Variants in METTL26 observed in about 807,000 individuals in gnomAD.
METTL26 encodes methyltransferase like 26, also known as methyltransferase-like 26.
Under a neutral mutation model 24.7 loss-of-function variants are expected in METTL26, and 28 were observed. That is an observed-to-expected ratio of 1.13 (90% confidence interval 0.84 to 1.55). The LOEUF is 1.55. METTL26 is among the 40% of genes most tolerant of loss of function. The probability of loss-of-function intolerance (pLI) is 0.00; values close to 1 mark genes in which losing one functional copy is unlikely to be tolerated. For missense variants in METTL26, 344 were observed against 281.2 expected (o/e 1.22, Z -1.60); for synonymous variants, 165 against 125.2 (o/e 1.32, Z -2.12).
In METTL26 at chr16:636,098, C is replaced by T. The variant is rs1313256981; in HGVS notation, c.193G>A (p.Asp65Asn). ...TGGCCGCCCCGGGGGCCGCACCTGT[C>T]CAGGCAGCGCTGGTCCACGTCCGAC... ...QPSDVDQRCLDSIAATTQAQG... is the reference protein window; with the variant it reads ...QPSDVDQRCLNSIAATTQAQG... Residue 65 changes from aspartate (D) to asparagine (N), a missense_variant, in exon 1 of 6, where the codon GAC becomes AAC. Physicochemically the swap from Asp to Asn is conservative, Grantham distance 23. Coordinates refer to ENST00000301686, the MANE Select transcript of METTL26 (RefSeq NM_032366.5). The T allele has an allele frequency of 7.1e-7, 1 of 1,403,048 alleles. No individual in the cohort carries two copies. The highest frequency in any genetic ancestry group is 9.2e-7 in the Non-Finnish European group (1 of 1,086,284). 86.9% of individuals were successfully genotyped at this position (1,403,048 alleles called of 1,614,324 possible).
In METTL26 at chr16:634,646, TG is replaced by T. The variant is rs752560502; in HGVS notation, c.568-3del. 5 of 1,613,242 alleles carry T rather than the reference TG, an allele frequency of 3.1e-6. No homozygotes were observed. Among genetic ancestry groups the T allele is most frequent in the Non-Finnish European group, 4.2e-6 (5 of 1,179,976 alleles). On this transcript the variant is annotated splice_region_variant and splice_polypyrimidine_tract_variant and intron_variant, in intron 5 of 5. Transcript: ENST00000301686. ...TTTGTTGTTGGCTGGCATGTCCACC[TG>T]GAGAAACACTTTGCTGGAGGACGGC...
chr16:634,600 G>C lies in METTL26; in HGVS notation c.612C>G (p.Asn204Lys), dbSNP rs765469785. 6.2e-7 allele frequency: 1 copy of C among 1,613,386 alleles called. No individual in the cohort carries two copies. The change falls in exon 6 of 6, where the codon AAC becomes AAG. Residue 204 changes from asparagine (N) to lysine (K), a missense_variant. Asn to Lys is a moderately conservative substitution (Grantham distance 94, BLOSUM62 0). Coordinates refer to ENST00000301686, the MANE Select transcript of METTL26 (RefSeq NM_032366.5). Reference sequence around the variant, plus strand: ...TGTGCGGGGGTGAAGGAGGGGCTTAGTTTTTCCGGAAGATCAGGCATTTGT... The same window carrying C: ...TGTGCGGGGGTGAAGGAGGGGCTTACTTTTTCCGGAAGATCAGGCATTTGT... ...ANNKCLIFRK[N>K]
At position 635,762 on chromosome 16, in the gene METTL26, G is replaced by A. The variant is rs2151091789; in HGVS notation, c.210C>T (p.Thr70=). 1 of 1,568,690 alleles carries A rather than the reference G, an allele frequency of 6.4e-7. No individual in the cohort carries two copies. The highest frequency in any genetic ancestry group is 8.7e-7 in the Non-Finnish European group (1 of 1,154,432). ...CGTTGGTCAGGCCCTGGGCTTGCGT[G>A]GTGGCCGCGATGCTGCAGGAGGCGA... ...DQRCLDSIAA[T]TQAQGLTNVK... Residue 70 remains threonine, a synonymous_variant, in exon 2 of 6, where the codon ACC becomes ACT. Coordinates refer to ENST00000301686, the MANE Select transcript of METTL26 (RefSeq NM_032366.5).
In METTL26 at chr16:635,346, G is replaced by C. The variant is rs1467314495; in HGVS notation, c.361-6C>G. On this transcript the variant is annotated splice_region_variant and splice_polypyrimidine_tract_variant and intron_variant, in intron 2 of 5. Coordinates refer to ENST00000301686, the MANE Select transcript of METTL26 (RefSeq NM_032366.5). ...CCTGCTGCTCTGAAGAGCCCCTGGT[G>C]AGTAGGAACAGGACGGCAGTGAGGT... 1 of 1,597,820 alleles carries C rather than the reference G, an allele frequency of 6.3e-7. No individual in the cohort carries two copies. Among genetic ancestry groups the C allele is most frequent in the Non-Finnish European group, 8.5e-7 (1 of 1,172,136 alleles).
Position 634,477 on chromosome 16 carries a change from A to G in METTL26, c.*120T>C, listed in dbSNP as rs935488011. ...TCTGAGCAGGCTGGGCCCTTCGGCCAGCGGCTGAGAGCACAGACTGGGTGG... is the reference window on the plus strand; with the variant it reads ...TCTGAGCAGGCTGGGCCCTTCGGCCGGCGGCTGAGAGCACAGACTGGGTGG... On this transcript the variant is annotated 3_prime_UTR_variant, in exon 6 of 6. Coordinates refer to ENST00000301686, the MANE Select transcript of METTL26 (RefSeq NM_032366.5). 3.8e-6 allele frequency: 6 copies of G among 1,581,950 alleles called. No homozygotes were observed. The highest frequency in any genetic ancestry group is 1.7e-5 in the Admixed American group (1 of 59,950).
intron 1 of METTL26, 59 bp downstream of exon 1, chr16:636,035 T>C (rs1304745953): frequency 1.4e-6 from 2 of 1,438,304 alleles, no homozygotes; most frequent in East Asian, 5.2e-5. Flanking sequence ...CTGCGGGCCG[T>C]GGGCTCTTGA....
In METTL26 at chr16:636,278, C is replaced by G; in HGVS notation, c.13G>C (p.Ala5Pro). MLVA[A>P]AAERNKDPIL... ...GGATCCTTGTTCCGCTCCGCGGCCGCCGCCACCAGCATCGCGGCAGCAACA... is the reference window on the plus strand; with the variant it reads ...GGATCCTTGTTCCGCTCCGCGGCCGGCGCCACCAGCATCGCGGCAGCAACA... The change falls in exon 1 of 6, where the codon GCG becomes CCG. Residue 5 changes from alanine to proline, a missense_variant. Physicochemically the swap from Ala to Pro is conservative, Grantham distance 27. Coordinates refer to ENST00000301686, the MANE Select transcript of METTL26 (RefSeq NM_032366.5). 1 of 1,449,694 alleles carries G rather than the reference C, an allele frequency of 6.9e-7. No homozygotes were observed. The highest frequency in any genetic ancestry group is 1.5e-5 in the African/African-American group (1 of 67,066). 89.8% of individuals were successfully genotyped at this position (1,449,694 alleles called of 1,614,324 possible). A position where few individuals can be genotyped will look rare whatever the true frequency, so the allele number is the denominator to read the frequency against.
At chr16:635,985 C>G (rs771071496) in intron 1 of METTL26, 109 bp downstream of exon 1, 8 of 1,405,188 alleles carry the variant, frequency 5.7e-6, no homozygotes, top group Non-Finnish European at 3.7e-6. Flanking sequence ...GCTCCCACCC[C>G]GCACCCTCAG....
chr16:635,713 C>G lies in METTL26; in HGVS notation c.259G>C (p.Val87Leu). ...TNVKAPLHLD[V>L]TWGWEHWGGI... ...CCCCAGTGCTCCCAGCCCCACGTCA[C>G]GTCCAGGTGTAGCGGGGCCTTCACG... is the stretch of plus-strand genomic sequence containing the variant. Residue 87 changes from valine to leucine, a missense_variant, in exon 2 of 6, where the codon GTG (valine) becomes CTG (leucine). By Grantham distance (32) the Val-to-Leu change is conservative (BLOSUM62 1). Transcript: ENST00000301686. The G allele has an allele frequency of 6.4e-7, 1 of 1,570,750 alleles. No homozygotes were observed. The highest frequency in any genetic ancestry group is 1.2e-5 in the South Asian group (1 of 85,508).
At chr16:635,430 G>A (rs914490384) in intron 2 of METTL26, 90 bp from the exon 3 acceptor site, 14 of 1,098,154 alleles carry the variant, frequency 1.3e-5, no homozygotes, top group Non-Finnish European at 1.6e-5. Context: ...ACTGTGATGG[G>A]GGAGGCTGGA....
intron 3 of METTL26, 146 bp downstream of exon 3, chr16:635,135 G>A: frequency 2.0e-6 from 3 of 1,485,136 alleles, no homozygotes; most frequent in South Asian, 1.3e-5. Context: ...AGATGACCCA[G>A]GGAGGGGTAC....
At position 634,870 on chromosome 16, in the gene METTL26, C is replaced by A. The variant is rs964601311; in HGVS notation, c.488+19G>T. 3 of 1,575,482 alleles carry A rather than the reference C, an allele frequency of 1.9e-6. No homozygotes were observed. Among genetic ancestry groups the A allele is most frequent in the Admixed American group, 3.7e-5 (2 of 54,734 alleles). On this transcript the variant is annotated intron_variant, in intron 4 of 5. Transcript: ENST00000301686. The stretch of plus-strand genomic sequence containing the variant: ...AGCCACCTGCCACCTGAGCCAGACC[C>A]CCCGCCTCTAGCTCTGACCTGCATC...
In METTL26 at chr16:634,624, G is replaced by T; in HGVS notation, c.588C>A (p.Asn196Lys). 1.2e-6 allele frequency: 2 copies of T among 1,613,354 alleles called. No homozygotes were observed. The highest frequency in any genetic ancestry group is 1.7e-6 in the Non-Finnish European group (2 of 1,179,986). The change falls in exon 6 of 6, where the codon AAC becomes AAA. Residue 196 changes from asparagine (N) to lysine (K), a missense_variant. Coordinates refer to ENST00000301686, the MANE Select transcript of METTL26 (RefSeq NM_032366.5). Reference protein sequence around the residue: ...LERMVDMPANNKCLIFRKN With the variant: ...LERMVDMPANKKCLIFRKN The stretch of plus-strand genomic sequence containing the variant: ...AGTTTTTCCGGAAGATCAGGCATTT[G>T]TTGTTGGCTGGCATGTCCACCTGGA...
At chr16:635,143 T>C in intron 3 of METTL26, 138 bp downstream of exon 3, 2 of 1,477,672 alleles carry the variant, frequency 1.4e-6, no homozygotes, top group Non-Finnish European at 1.8e-6. Context: ...CAGGGAGGGG[T>C]ACAGACTGGA....
intron 1 of METTL26, 89 bp downstream of exon 1, chr16:636,005 C>G: frequency 1.4e-6 from 2 of 1,438,298 alleles, no homozygotes; most frequent in Non-Finnish European, 1.8e-6. Flanking sequence ...GAGCCCGAGC[C>G]GCATCCTTTT....
At position 634,483 on chromosome 16, in the gene METTL26, T is replaced by G. The variant is rs138796566; in HGVS notation, c.*114A>C. On this transcript the variant is annotated 3_prime_UTR_variant, in exon 6 of 6. Coordinates refer to ENST00000301686, the MANE Select transcript of METTL26 (RefSeq NM_032366.5). ...CAGGCTGGGCCCTTCGGCCAGCGGC[T>G]GAGAGCACAGACTGGGTGGGGCTGT... 5.3e-4 allele frequency: 848 copies of G among 1,593,912 alleles called. 6 individuals carry two copies. The African/African-American group carries it at 1.0e-2, about 19-fold the overall frequency.
At position 634,922 on chromosome 16, in the gene METTL26, C is replaced by T. The variant is rs1242386878; in HGVS notation, c.455G>A (p.Ser152Asn). 1.1e-5 allele frequency: 17 copies of T among 1,606,620 alleles called. No homozygotes were observed. The highest frequency in any genetic ancestry group is 1.4e-5 in the Non-Finnish European group (17 of 1,177,008). ...GAGCATCAGGTCAAAGTCCACGTTGCTCTGGGGGGAGATCTTCCCATTGAT... is the reference window on the plus strand; with the variant it reads ...GAGCATCAGGTCAAAGTCCACGTTGTTCTGGGGGGAGATCTTCCCATTGAT... ...YAINGKISPQSNVDFDLMLRC... is the reference protein window; with the variant it reads ...YAINGKISPQNNVDFDLMLRC... The change falls in exon 4 of 6, where the codon AGC becomes AAC. Residue 152 changes from serine to asparagine, a missense_variant. Coordinates refer to ENST00000301686, the MANE Select transcript of METTL26 (RefSeq NM_032366.5).
At chr16:635,000 T>A in intron 3 of METTL26, 44 bp from the exon 4 acceptor site, 1 of 1,558,740 alleles carries the variant, frequency 6.4e-7, no homozygotes, top group Non-Finnish European at 8.7e-7. Context: ...GGTCGGGGTA[T>A]TTCCCAGAGA....
intron 2 of METTL26, 30 bp downstream of exon 2, chr16:635,582 G>A: frequency 1.9e-6 from 3 of 1,547,110 alleles, no homozygotes; most frequent in Non-Finnish European, 2.6e-6. Context: ...TGGTGCCACG[G>A]CAGACACCCA....
Sources: gnomAD v4.1 joint callset for allele counts on GRCh38, gnomAD v4.1.1 for gene constraint, MANE v1.5 for transcripts, NCBI Gene and HGNC (gene_info 2026-07-23, HGNC 2026-07-21) for gene names.